Variants in ZFP69 observed in about 807,000 individuals in gnomAD.
ZFP69 encodes the protein ZFP69 zinc finger protein.
Under a neutral mutation model 48.9 loss-of-function variants are expected in ZFP69, and 35 were observed. That is an observed-to-expected ratio of 0.72 (90% CI 0.55 to 0.95). The LOEUF is 0.95. Ranked by LOEUF, ZFP69 falls within the 40% of genes least tolerant of loss-of-function variation. The probability of loss-of-function intolerance (pLI) is 0.00; values close to 1 mark genes in which losing one functional copy is unlikely to be tolerated. For missense variants in ZFP69, 557 were observed against 638.4 expected (o/e 0.87, Z 1.37); for synonymous variants, 193 against 216.8 (o/e 0.89, Z 0.96).
At chr1:40,491,019 A>G (rs993302941) in intron 5 of ZFP69, 1 of 152,218 alleles carries the variant, frequency 6.6e-6, no homozygotes, top group African/African-American at 2.4e-5. Context: ...CTGCATTGAA[A>G]TATTATTCCC....
intron 3 of ZFP69, among the ~76,000 whole-genome samples, chr1:40,484,497 C>A (rs1205327133): frequency 1.3e-5 from 2 of 152,102 alleles, no homozygotes; most frequent in South Asian, 2.1e-4. Flanking sequence ...CCGTGCCCAG[C>A]CTTTTTCTGC....
intron 5 of ZFP69, among the ~76,000 whole-genome samples, chr1:40,494,461 G>A (rs1307411900): frequency 6.9e-6 from 1 of 145,152 alleles, no homozygotes; most frequent in Admixed American, 6.9e-5. Flanking sequence ...GTAGAGACGG[G>A]GTTTCACCGT....
In ZFP69 at chr1:40,494,939, A is replaced by T. The variant is rs1325984095; in HGVS notation, c.461A>T (p.Glu154Val). The change falls in exon 6 of 6, where the codon GAA becomes GTA. Residue 154 changes from glutamate to valine, a missense_variant. By Grantham distance (121) the Glu-to-Val change is moderately radical. Coordinates refer to ENST00000372706, the MANE Select transcript of ZFP69 (RefSeq NM_001320179.2). Reference protein sequence around the residue: ...DPSSDLKSKIETIESTAKSTI... With the variant: ...DPSSDLKSKIVTIESTAKSTI... ...CTTTCAGACTTGAAGAGTAAAATAG[A>T]AACCATTGAGTCAACTGCAAAGAGT... 1.2e-6 allele frequency: 2 copies of T among 1,609,038 alleles called. No homozygotes were observed. The highest frequency in any genetic ancestry group is 1.7e-6 in the Non-Finnish European group (2 of 1,178,332).
chr1:40,482,935 CTCA>C (rs1192365008), intron 3 of ZFP69, among the ~76,000 whole-genome samples: 1 of 152,146 alleles, frequency 6.6e-6, no homozygotes, highest in Non-Finnish European at 1.5e-5. Context: ...TAGACAAAAA[CTCA>C]TCAAGGATAC....
At position 40,489,874 on chromosome 1, in the gene ZFP69, T is replaced by C. The variant is rs12568963; in HGVS notation, c.442+250T>C. 2.4e-3 allele frequency among the ~76,000 whole-genome samples: 248 copies of C among 104,570 alleles called. 4 individuals are homozygous for C. The East Asian group carries it at 0.04, about 17-fold the overall frequency. The allele number at this position is 104,570 out of a possible 152,430, so 68.6% of individuals were successfully genotyped here. On this transcript the variant is annotated intron_variant, in intron 5 of 5. Transcript: ENST00000372706. ...AGGCTCTTTTTCTTTTTCTTTTTTTTTTTTTTTTTTTTTTGAGACAGAGTC... is the reference window on the plus strand; with the variant it reads ...AGGCTCTTTTTCTTTTTCTTTTTTTCTTTTTTTTTTTTTTGAGACAGAGTC...
rs149721052 is a variant in ZFP69 at position 40,489,246 on chromosome 1, C to T, written c.346+32C>T. 5.2e-4 allele frequency: 840 copies of T among 1,610,226 alleles called. 3 individuals carry two copies. The African/African-American group carries it at 9.2e-3, about 18-fold the overall frequency. On this transcript the variant is annotated intron_variant, in intron 4 of 5. Coordinates refer to ENST00000372706, the MANE Select transcript of ZFP69 (RefSeq NM_001320179.2). ...CTTGGCTATCCATGCATCCAGAAACCCACCCATTACAGGAGAGTCATTATT... is the reference window on the plus strand; with the variant it reads ...CTTGGCTATCCATGCATCCAGAAACTCACCCATTACAGGAGAGTCATTATT...
chr1:40,478,220 C>T (rs1272602651), intron 1 of ZFP69, among the ~76,000 whole-genome samples: 1 of 152,098 alleles, frequency 6.6e-6, no homozygotes, highest in Admixed American at 6.5e-5. Context: ...TCCCACGTAG[C>T]TCCGACTGTT....
At chr1:40,485,380 GACTT>G (rs1245282690) in intron 3 of ZFP69, among the ~76,000 whole-genome samples, 2 of 152,066 alleles carry the variant, frequency 1.3e-5, no homozygotes, top group East Asian at 1.9e-4. Context: ...TCATATGAAA[GACTT>G]ACGTTATATT....
intron 3 of ZFP69, among the ~76,000 whole-genome samples, chr1:40,487,739 A>G (rs993193567): frequency 3.3e-5 from 5 of 152,140 alleles, no homozygotes; most frequent in African/African-American, 1.2e-4. Context: ...GGTAAATTGC[A>G]TATCACAGTA....
intron 5 of ZFP69, among the ~76,000 whole-genome samples, 170 bp from the exon 6 acceptor site, chr1:40,494,750 CT>C (rs367938206): frequency 0.02 from 2,893 of 146,772 alleles, 96 homozygotes; most frequent in African/African-American, 0.069. Flanking sequence ...TAAAATGACA[CT>C]TTTAACCTGT....
Position 40,495,766 on chromosome 1 carries a change from C to G in ZFP69, c.1288C>G (p.Gln430Glu). 1 of 1,614,180 alleles carries G rather than the reference C, an allele frequency of 6.2e-7. No individual in the cohort carries two copies. Among genetic ancestry groups the G allele is most frequent in the South Asian group, 1.1e-5 (1 of 91,090 alleles). ...FSHRAYLTHH[Q>E]RIHTGERPYK... is the part of the protein sequence containing the mutation. ...TCATAGAGCGTATCTAACACATCAC[C>G]AGAGAATCCATACTGGGGAGAGACC... Residue 430 changes from glutamine to glutamate, a missense_variant, in exon 6 of 6, where the codon CAG (glutamine) becomes GAG (glutamate). Gln to Glu is a conservative substitution (Grantham distance 29). Coordinates refer to ENST00000372706, the MANE Select transcript of ZFP69 (RefSeq NM_001320179.2).
chr1:40,491,183 C>G (rs56194762), intron 5 of ZFP69: 8,756 of 152,256 alleles, frequency 0.058, 356 homozygotes, highest in African/African-American at 0.1. Flanking sequence ...TCATTCAACA[C>G]TGGTGATATT....
At chr1:40,480,325 G>T (rs1645431273) in intron 2 of ZFP69, among the ~76,000 whole-genome samples, 1 of 151,426 alleles carries the variant, frequency 6.6e-6, no homozygotes, top group Admixed American at 6.6e-5. Context: ...GAGTGCAGTG[G>T]TGCAATCTCA....
chr1:40,478,280 A>C (rs886549952), intron 1 of ZFP69, among the ~76,000 whole-genome samples: 1 of 152,156 alleles, frequency 6.6e-6, no homozygotes, highest in African/African-American at 2.4e-5. Flanking sequence ...GCACCTGCTC[A>C]GATTCTAGGG....
At chr1:40,482,613 A>G (rs531798198) in intron 3 of ZFP69, among the ~76,000 whole-genome samples, 21 of 152,316 alleles carry the variant, frequency 1.4e-4, no homozygotes, top group African/African-American at 4.8e-4. Flanking sequence ...CAATTACTTT[A>G]GCTTTTGTTT....
chr1:40,489,223 T>G lies in ZFP69; in HGVS notation c.346+9T>G. ...CAACTTGGTGTCAGTGGGTAAGACTTGGCTATCCATGCATCCAGAAACCCA... is the reference window on the plus strand; with the variant it reads ...CAACTTGGTGTCAGTGGGTAAGACTGGGCTATCCATGCATCCAGAAACCCA... On this transcript the variant is annotated intron_variant, in intron 4 of 5. Coordinates refer to ENST00000372706, the MANE Select transcript of ZFP69 (RefSeq NM_001320179.2). The G allele has an allele frequency of 6.2e-7, 1 of 1,613,274 alleles. No homozygotes were observed. The highest frequency in any genetic ancestry group is 8.5e-7 in the Non-Finnish European group (1 of 1,179,482).
intron 2 of ZFP69, among the ~76,000 whole-genome samples, chr1:40,480,807 AT>A (rs1557538531): frequency 2.0e-5 from 3 of 152,210 alleles, no homozygotes; most frequent in African/African-American, 7.2e-5. Flanking sequence ...TAGAGGCCCA[AT>A]TTTAATCATA....
In ZFP69 at chr1:40,477,484, A is replaced by G. The variant is rs4291490; in HGVS notation, c.-737A>G. The G allele has an allele frequency of 1, 152,335 of 152,336 alleles. 76,167 individuals carry two copies. Among genetic ancestry groups the G allele is most frequent in the Middle Eastern group, 1 (296 of 296 alleles). 9.4% of individuals were successfully genotyped at this position (152,336 alleles called of 1,614,324 possible). On this transcript the variant is annotated 5_prime_UTR_variant, in exon 1 of 6. Coordinates refer to ENST00000372706, the MANE Select transcript of ZFP69 (RefSeq NM_001320179.2). This position sits in a 1 kb window ranked among gnomAD's most constrained non-coding sequence, Gnocchi z 4.0. ...CTGGGTGGGCTTGGCTGCAGCCGCCAGCCCCGTGTTAAAGCGGCAGCCAGG... is the reference window on the plus strand; with the variant it reads ...CTGGGTGGGCTTGGCTGCAGCCGCCGGCCCCGTGTTAAAGCGGCAGCCAGG...
intron 2 of ZFP69, among the ~76,000 whole-genome samples, 173 bp from the exon 3 acceptor site, chr1:40,481,590 C>T (rs1645443963): frequency 6.6e-6 from 1 of 152,112 alleles, no homozygotes; most frequent in Admixed American, 6.5e-5. Flanking sequence ...CCCAAAGCGA[C>T]TTGCAGCAGG....
Sources: allele counts gnomAD v4.1 joint callset (sites outside exome capture counted in the v4.1 genomes callset), GRCh38; gene constraint gnomAD v4.1.1; non-coding constraint Gnocchi (gnomAD v3.1); transcripts MANE v1.5; gene names NCBI Gene and HGNC (gene_info 2026-07-23, HGNC 2026-07-21).